Variants in DCLK1 observed in about 807,000 individuals in gnomAD.
DCLK1 encodes doublecortin like kinase 1.
A neutral mutation model predicts 86.2 loss-of-function variants in DCLK1; 16 were observed. That is an observed-to-expected ratio of 0.19 (90% CI 0.13 to 0.28). DCLK1 has a LOEUF of 0.28. DCLK1 is among the 10% of genes least tolerant of loss of function. The pLI is 1.00. For synonymous variants in DCLK1, 369 were observed against 370.5 expected (o/e 1.00, Z 0.05); for missense variants, 590 against 940.2 (o/e 0.63, Z 4.87).
In DCLK1 at chr13:36,050,112, C is replaced by T. The variant is rs74843322; in HGVS notation, c.723+61757G>A. Among the ~76,000 whole-genome samples the T allele has an allele frequency of 5.9e-3, 904 of 152,238 alleles. 9 individuals are homozygous for T. Among genetic ancestry groups the T allele is most frequent in the African/African-American group, 0.021 (854 of 41,546 alleles). Reference sequence around the variant, plus strand: ...CGCCAGCTCCAGCACATAGTTGGAGCCTACTATGTTTAAAGCACTGTTAAA... The same window carrying T: ...CGCCAGCTCCAGCACATAGTTGGAGTCTACTATGTTTAAAGCACTGTTAAA... On this transcript the variant is annotated intron_variant, in intron 3 of 16. Transcript: ENST00000360631.
intron 3 of DCLK1, among the ~76,000 whole-genome samples, chr13:36,028,289 A>C (rs1211563094): frequency 6.6e-6 from 1 of 152,164 alleles, no homozygotes; most frequent in Non-Finnish European, 1.5e-5. Flanking sequence ...TTGAGATTTG[A>C]CTAAGTCCAA....
intron 11 of DCLK1, among the ~76,000 whole-genome samples, chr13:35,822,100 CT>C (rs936114133): frequency 1.1e-4 from 17 of 151,060 alleles, no homozygotes; most frequent in Admixed American, 2.6e-4. Flanking sequence ...AAAGGGCTTC[CT>C]TTTTTTTTCC....
At chr13:36,109,977 G>T (rs1885549769) in intron 3 of DCLK1, among the ~76,000 whole-genome samples, 1 of 152,166 alleles carries the variant, frequency 6.6e-6, no homozygotes. Flanking sequence ...AGTCATTAAA[G>T]CCGATTTTTA....
At chr13:35,832,326 C>T (rs924073992) in intron 8 of DCLK1, among the ~76,000 whole-genome samples, 2 of 152,100 alleles carry the variant, frequency 1.3e-5, no homozygotes, top group Non-Finnish European at 2.9e-5. Flanking sequence ...GTGGAAATGG[C>T]TAGCAAAGAT....
chr13:35,876,520 T>C (rs578146695), intron 4 of DCLK1, among the ~76,000 whole-genome samples: 2 of 152,342 alleles, frequency 1.3e-5, no homozygotes, highest in South Asian at 4.1e-4. Flanking sequence ...TTAATTTAAA[T>C]AGGAATTGTA....
chr13:36,102,331 G>A (rs1213375015), intron 3 of DCLK1, among the ~76,000 whole-genome samples: 1 of 151,964 alleles, frequency 6.6e-6, no homozygotes, highest in Admixed American at 6.6e-5. Flanking sequence ...GAGAAAAAGG[G>A]AATAGAAAGA....
At chr13:36,016,652 C>A (rs1881548132) in intron 3 of DCLK1, among the ~76,000 whole-genome samples, 1 of 152,156 alleles carries the variant, frequency 6.6e-6, no homozygotes, top group Non-Finnish European at 1.5e-5. Flanking sequence ...GATCCTGCAA[C>A]AACCTGAACA....
chr13:35,958,022 C>CCATCACTGCTATA (rs1878120832), intron 3 of DCLK1, among the ~76,000 whole-genome samples: 2 of 4,548 alleles, frequency 4.4e-4, no homozygotes, highest in Admixed American at 1.5e-3. Flanking sequence ...CACCATCACA[C>CCATCACTGCTATA]ACCACAACTA....
At chr13:35,850,079 C>T (rs928783625) in intron 6 of DCLK1, 2 of 983,386 alleles carry the variant, frequency 2.0e-6, no homozygotes, top group Non-Finnish European at 2.4e-6. Context: ...TAAAGCCTAA[C>T]TTCAGAGTCT....
At chr13:35,860,020 C>A (rs191687956) in intron 5 of DCLK1, among the ~76,000 whole-genome samples, 4 of 152,300 alleles carry the variant, frequency 2.6e-5, no homozygotes, top group Admixed American at 2.6e-4. Flanking sequence ...AGATGTGCAA[C>A]TTTTTGGACG....
chr13:36,069,139 T>C (rs954442201), intron 3 of DCLK1, among the ~76,000 whole-genome samples: 9 of 152,270 alleles, frequency 5.9e-5, no homozygotes, highest in African/African-American at 2.2e-4. Context: ...TTTGTAGGAA[T>C]TGATCACTGA....
At position 36,114,930 on chromosome 13, in the gene DCLK1, T is replaced by C. The variant is rs1885729658; in HGVS notation, c.377-2715A>G. Among the ~76,000 whole-genome samples, 5 of 152,360 alleles carry C rather than the reference T, an allele frequency of 3.3e-5. No homozygotes were observed. The South Asian group carries it at 1.0e-3, about 32-fold the overall frequency. On this transcript the variant is annotated intron_variant, in intron 2 of 16. Transcript: ENST00000360631. ...TGACTGAGAGTTAAGAGATAAGTTA[T>C]AATCTTGTTAAAATAATCATTTTTA...
intron 3 of DCLK1, among the ~76,000 whole-genome samples, chr13:36,020,368 A>G (rs1436614801): frequency 6.6e-6 from 1 of 152,214 alleles, no homozygotes; most frequent in Non-Finnish European, 1.5e-5. Context: ...TGGCTCCTCC[A>G]TAGAAATAAA....
In DCLK1 at chr13:36,106,125, G is replaced by A. The variant is rs576123089; in HGVS notation, c.723+5744C>T. 1.9e-3 allele frequency among the ~76,000 whole-genome samples: 293 copies of A among 152,146 alleles called. 2 individuals are homozygous for A. The highest frequency in any genetic ancestry group is 6.6e-3 in the African/African-American group (276 of 41,530). Reference sequence around the variant, plus strand: ...TGCAATTTACAGAAAACTAACTTTTGCTAAAATGAATCTAAGCCTTAAAAT... The same window carrying A: ...TGCAATTTACAGAAAACTAACTTTTACTAAAATGAATCTAAGCCTTAAAAT... On this transcript the variant is annotated intron_variant, in intron 3 of 16. Transcript: ENST00000360631.
intron 5 of DCLK1, among the ~76,000 whole-genome samples, chr13:35,867,963 A>AAAAGAAAGAG (rs1555345768): frequency 2.2e-5 from 3 of 135,156 alleles, no homozygotes; most frequent in Non-Finnish European, 1.6e-5. Context: ...GAAAGAAAGA[A>AAAAGAAAGAG]AGAGAAAAAG....
intron 6 of DCLK1, among the ~76,000 whole-genome samples, chr13:35,851,069 A>T (rs1870593280): frequency 6.6e-6 from 1 of 152,134 alleles, no homozygotes; most frequent in Non-Finnish European, 1.5e-5. Context: ...GGTCAACTCC[A>T]CTACTATGTG....
chr13:35,917,211 C>T (rs752474150), intron 4 of DCLK1, among the ~76,000 whole-genome samples: 3 of 152,182 alleles, frequency 2.0e-5, no homozygotes, highest in South Asian at 2.1e-4. Context: ...TCGTGTCACA[C>T]GAAGCTCATA....
chr13:35,829,063 A>G (rs1400397621), intron 8 of DCLK1, among the ~76,000 whole-genome samples: 1 of 152,118 alleles, frequency 6.6e-6, no homozygotes, highest in East Asian at 1.9e-4. Flanking sequence ...TTTGAAAGAA[A>G]ATGAAGGTGA....
intron 16 of DCLK1, chr13:35,788,059 G>C: frequency 1.4e-6 from 1 of 736,930 alleles, no homozygotes; most frequent in Admixed American, 2.3e-5. Flanking sequence ...AGGGGGTGTG[G>C]CATCTCAATC....
Sources: allele counts gnomAD v4.1 joint callset (sites outside exome capture counted in the v4.1 genomes callset), GRCh38; gene constraint gnomAD v4.1.1; transcripts MANE v1.5; gene names NCBI Gene and HGNC (gene_info 2026-07-23, HGNC 2026-07-21).